ZNF486: variants seen among roughly 807,000 people sequenced by gnomAD.
The protein encoded by ZNF486 is zinc finger protein 486.
In ZNF486, 12 loss-of-function variants were observed where a neutral mutation model predicts 12.8. That is an observed-to-expected ratio of 0.94 (90% confidence interval 0.60 to 1.52). The LOEUF (loss-of-function observed/expected upper bound fraction) is 1.52. Ranked by LOEUF, ZNF486 falls within the 40% of genes most tolerant of loss-of-function variation. The pLI, the probability that ZNF486 is intolerant of heterozygous loss-of-function variation, is 0.00. For synonymous variants in ZNF486, 231 were observed against 184.9 expected (o/e 1.25, Z -2.02); for missense variants, 738 against 545.0 (o/e 1.35, Z -3.53).
intron 1 of ZNF486, among the ~76,000 whole-genome samples, chr19:20,181,464 A>G (rs1057098140): frequency 1.7e-4 from 26 of 151,522 alleles, no homozygotes; most frequent in East Asian, 5.8e-4. Context: ...GCGTGAACCC[A>G]GGAGGCGGAG....
At chr19:20,172,870 T>TA (rs1464929095) in intron 1 of ZNF486, among the ~76,000 whole-genome samples, 1 of 152,006 alleles carries the variant, frequency 6.6e-6, no homozygotes, top group Non-Finnish European at 1.5e-5. Flanking sequence ...CTTGAACTCC[T>TA]GACCTCGTGA....
At chr19:20,189,985 T>C (rs1480598919) in intron 3 of ZNF486, among the ~76,000 whole-genome samples, 2 of 152,232 alleles carry the variant, frequency 1.3e-5, no homozygotes, top group African/African-American at 2.4e-5. Context: ...TTTTGTATCG[T>C]TCAAGGAAAT....
intron 1 of ZNF486, among the ~76,000 whole-genome samples, chr19:20,182,264 T>C (rs782095746): frequency 2.0e-5 from 3 of 152,172 alleles, no homozygotes; most frequent in Non-Finnish European, 2.9e-5. Flanking sequence ...TGGACCCTTT[T>C]CAAGCCTCCA....
chr19:20,191,663 G>T (rs575039727), intron 3 of ZNF486, among the ~76,000 whole-genome samples: 1 of 151,628 alleles, frequency 6.6e-6, no homozygotes, highest in Middle Eastern at 3.4e-3. Flanking sequence ...CCAGCTACTC[G>T]GGAGGCTGAG....
intron 2 of ZNF486, among the ~76,000 whole-genome samples, chr19:20,185,433 T>G (rs1364252066): frequency 7.7e-6 from 1 of 130,050 alleles, no homozygotes; most frequent in Non-Finnish European, 1.6e-5. Flanking sequence ...TTTTTTGAGA[T>G]GGAGTCTCGC....
At chr19:20,167,477 T>G (rs2089597335) in intron 1 of ZNF486, 117 bp downstream of exon 1, 2 of 1,245,856 alleles carry the variant, frequency 1.6e-6, no homozygotes, top group African/African-American at 3.0e-5. Context: ...GGACTTCTCC[T>G]TACCCAGCTC....
chr19:20,182,549 C>T (rs905705885), intron 1 of ZNF486, among the ~76,000 whole-genome samples: 1 of 152,170 alleles, frequency 6.6e-6, no homozygotes, highest in Non-Finnish European at 1.5e-5. Flanking sequence ...AGTTAAGTTC[C>T]ACCTTTGCAC....
In ZNF486 at chr19:20,186,035, T is replaced by C. The variant is rs782619308; in HGVS notation, c.206T>C (p.Ile69Thr). The change falls in exon 3 of 4, where the codon ATA becomes ACA. Residue 69 changes from isoleucine (I) to threonine (T), a missense_variant. Coordinates refer to ENST00000335117, the MANE Select transcript of ZNF486 (RefSeq NM_052852.4). ...PDLITCLEQG[I>T]KPLTMKRHEM... ...CTGATCACCTGTCTGGAGCAAGGAA[T>C]AAAACCTCTGACTATGAAGAGACAT... 2 of 1,593,296 alleles carry C rather than the reference T, an allele frequency of 1.3e-6. No individual in the cohort carries two copies. The highest frequency in any genetic ancestry group is 2.3e-5 in the East Asian group (1 of 43,290).
At chr19:20,182,235 T>G (rs149204616) in intron 1 of ZNF486, among the ~76,000 whole-genome samples, 38 of 152,302 alleles carry the variant, frequency 2.5e-4, no homozygotes, top group African/African-American at 8.7e-4. Context: ...ACAGGGGACT[T>G]GTTTAAAACA....
At chr19:20,196,817 T>TTA (rs2089962768) in intron 3 of ZNF486, 147 bp from the exon 4 acceptor site, 1 of 1,121,718 alleles carries the variant, frequency 8.9e-7, no homozygotes, top group African/African-American at 1.6e-5. Context: ...TTTGTTACCT[T>TTA]TATATGTCCA....
At chr19:20,177,324 AG>A (rs1680352833) in intron 1 of ZNF486, among the ~76,000 whole-genome samples, 1 of 152,268 alleles carries the variant, frequency 6.6e-6, no homozygotes, top group African/African-American at 2.4e-5. Flanking sequence ...TAGCTTCAGC[AG>A]GTACCTGACT....
At chr19:20,187,063 A>G (rs1436845282) in intron 3 of ZNF486, among the ~76,000 whole-genome samples, 2 of 151,852 alleles carry the variant, frequency 1.3e-5, no homozygotes, top group African/African-American at 2.4e-5. Flanking sequence ...GATTACAGGC[A>G]TGAGCCACCC....
Position 20,172,120 on chromosome 19 carries a change from C to T in ZNF486, c.30+4760C>T, listed in dbSNP as rs560668065. Among the ~76,000 whole-genome samples, 9 of 152,222 alleles carry T rather than the reference C, an allele frequency of 5.9e-5. No homozygotes were observed. The East Asian group carries it at 1.4e-3, about 23-fold the overall frequency. ...CCTGGTTCAAGTGATTCTCCTGCCT[C>T]AGCCTCCCAAGTAGCTGGGATTACA... On this transcript the variant is annotated intron_variant, in intron 1 of 3. Coordinates refer to ENST00000335117, the MANE Select transcript of ZNF486 (RefSeq NM_052852.4).
chr19:20,190,882 G>A (rs1347479698), intron 3 of ZNF486, among the ~76,000 whole-genome samples: 2 of 152,118 alleles, frequency 1.3e-5, no homozygotes, highest in Non-Finnish European at 2.9e-5. Flanking sequence ...TGTTGGATGT[G>A]GGACCTGGTG....
Position 20,199,166 on chromosome 19 carries a change from C to A in ZNF486, c.*1064C>A, listed in dbSNP as rs1555718544. ...CCATTAATGTCCATCACATCTTACT[C>A]AACAGAAGAAGGTTCATAAAAGAGC... On this transcript the variant is annotated 3_prime_UTR_variant, in exon 4 of 4. Coordinates refer to ENST00000335117, the MANE Select transcript of ZNF486 (RefSeq NM_052852.4). The A allele has an allele frequency of 1.3e-5, 2 of 152,098 alleles. No homozygotes were observed. Among genetic ancestry groups the A allele is most frequent in the Admixed American group, 1.3e-4 (2 of 15,246 alleles). 9.4% of individuals were successfully genotyped at this position (152,098 alleles called of 1,614,324 possible). A position where few individuals can be genotyped will look rare whatever the true frequency, so the allele number is the denominator to read the frequency against.
chr19:20,182,533 C>T (rs1045600358), intron 1 of ZNF486, among the ~76,000 whole-genome samples: 4 of 150,390 alleles, frequency 2.7e-5, no homozygotes, highest in Non-Finnish European at 5.9e-5. Flanking sequence ...AAATACAATA[C>T]AAAGGAGTTA....
chr19:20,181,181 C>G (rs551201761), intron 1 of ZNF486, among the ~76,000 whole-genome samples: 4 of 152,120 alleles, frequency 2.6e-5, no homozygotes, highest in Non-Finnish European at 5.9e-5. Context: ...AGAGTTTTGG[C>G]TGGTGAATCC....
intron 2 of ZNF486, 75 bp downstream of exon 2, chr19:20,184,557 G>T: frequency 6.8e-7 from 1 of 1,479,360 alleles, no homozygotes; most frequent in Non-Finnish European, 9.0e-7. Flanking sequence ...AATGATTTTA[G>T]TAATTTATCC....
chr19:20,188,262 G>T, intron 3 of ZNF486: 1 of 389,172 alleles, frequency 2.6e-6, no homozygotes, highest in Non-Finnish European at 4.5e-6. Flanking sequence ...TTTTGTGAGA[G>T]AAATACTTGT....
Sources: allele counts gnomAD v4.1 joint callset (sites outside exome capture counted in the v4.1 genomes callset), GRCh38; gene constraint gnomAD v4.1.1; transcripts MANE v1.5; gene names NCBI Gene and HGNC (gene_info 2026-07-23, HGNC 2026-07-21).